The following USP40 variants were observed in gnomAD, a reference collection of about 807,000 sequenced individuals.
USP40 encodes ubiquitin carboxyl-terminal hydrolase 40.
USP40 carries 143 observed loss-of-function variants against 166.2 expected under a neutral mutation model. That is an observed-to-expected ratio of 0.86 (90% CI 0.75 to 0.99). The LOEUF is 0.99. Ranked by LOEUF, USP40 falls within the 50% of genes least tolerant of loss-of-function variation. The probability of loss-of-function intolerance (pLI) is 0.00; values close to 1 mark genes in which losing one functional copy is unlikely to be tolerated. For synonymous variants in USP40, 498 were observed against 524.0 expected (o/e 0.95, Z 0.68); for missense variants, 1,444 against 1,479.7 (o/e 0.98, Z 0.40).
Position 233,488,957 on chromosome 2 carries a change from GAGAA to G in USP40, c.3131+404_3131+407del, listed in dbSNP as rs538826651. Among the ~76,000 whole-genome samples the G allele has an allele frequency of 1.8e-3, 280 of 152,032 alleles. 1 individual carries two copies. Among genetic ancestry groups the G allele is most frequent in the East Asian group, 0.017 (86 of 5,166 alleles). Reference sequence around the variant, plus strand: ...AAGGAAAGAAAGAAAAGAAAGAAACGAGAAAGAAAGAAACAAAAAGCCTCAAGGC... The same window carrying G: ...AAGGAAAGAAAGAAAAGAAAGAAACGAGAAAGAAACAAAAAGCCTCAAGGC... On this transcript the variant is annotated intron_variant, in intron 27 of 31. Transcript: ENST00000678225.
intron 6 of USP40, among the ~76,000 whole-genome samples, chr2:233,551,802 C>A (rs1279735548): frequency 2.0e-5 from 3 of 152,150 alleles, no homozygotes; most frequent in Admixed American, 2.0e-4. Flanking sequence ...CTATTTCCTG[C>A]CCAATTTCTG....
rs1340076781 is a variant in USP40 at position 233,486,870 on chromosome 2, T to C, written c.3198-893A>G. ...GGCCAAGGCCTGGAGCCCAGCACAG[T>C]GCGGCCAGAGGACAGAAAGGGCATC... On this transcript the variant is annotated intron_variant, in intron 28 of 31. Transcript: ENST00000678225. This position sits in a 1 kb window ranked among gnomAD's most constrained non-coding sequence, Gnocchi z 4.0. Among the ~76,000 whole-genome samples, 1 of 152,062 alleles carries C rather than the reference T, an allele frequency of 6.6e-6. No individual in the cohort carries two copies. The highest frequency in any genetic ancestry group is 1.5e-5 in the Non-Finnish European group (1 of 68,012).
At position 233,475,962 on chromosome 2, in the gene USP40, G is replaced by A. The variant is rs1047056634; in HGVS notation, c.*1430C>T. On this transcript the variant is annotated 3_prime_UTR_variant, in exon 32 of 32. Coordinates refer to ENST00000678225, the MANE Select transcript of USP40 (RefSeq NM_001365479.2). ...TCTACACCCAGTGCGAGTCTCCTGAGCGGGGTTAGTGTTTGGGAGTGGGAG... is the reference window on the plus strand; with the variant it reads ...TCTACACCCAGTGCGAGTCTCCTGAACGGGGTTAGTGTTTGGGAGTGGGAG... The A allele has an allele frequency of 3.3e-5, 5 of 152,414 alleles. No individual in the cohort carries two copies. The highest frequency in any genetic ancestry group is 1.2e-4 in the African/African-American group (5 of 41,452). 9.4% of individuals were successfully genotyped at this position (152,414 alleles called of 1,614,324 possible).
At chr2:233,565,699 T>G in intron 1 of USP40, 126 bp from the exon 2 acceptor site, 1 of 865,182 alleles carries the variant, frequency 1.2e-6, no homozygotes, top group Admixed American at 3.0e-5. Context: ...CTATGTACAG[T>G]AGTTGGGTTT....
chr2:233,488,421 T>C, intron 27 of USP40, 117 bp from the exon 28 acceptor site: 2 of 905,186 alleles, frequency 2.2e-6, no homozygotes, highest in Non-Finnish European at 3.4e-6. Flanking sequence ...TGAGTACTTA[T>C]AAGAACACCC....
At chr2:233,519,818 C>A (rs1450278940) in intron 17 of USP40, 147 bp from the exon 18 acceptor site, 16 of 495,020 alleles carry the variant, frequency 3.2e-5, no homozygotes, top group Non-Finnish European at 3.6e-6. Flanking sequence ...TTTTTCCATC[C>A]CTGAAATCCT....
At chr2:233,542,511 A>G in intron 8 of USP40, 148 bp from the exon 9 acceptor site, 1 of 559,062 alleles carries the variant, frequency 1.8e-6, no homozygotes, top group Non-Finnish European at 3.2e-6. Context: ...GGAGTTCAAG[A>G]CCAGCCTGGG....
intron 18 of USP40, among the ~76,000 whole-genome samples, chr2:233,517,092 A>G (rs962497833): frequency 6.6e-6 from 1 of 152,186 alleles, no homozygotes. Context: ...GGTAGGTAAA[A>G]AGGCAATGAA....
rs572999089 is a variant in USP40, at chr2:233,485,840, C to T, written c.3335G>A (p.Arg1112His). 33 of 1,611,196 alleles carry T rather than the reference C, an allele frequency of 2.0e-5. No homozygotes were observed. In the Middle Eastern group the frequency reaches 5.0e-4, roughly 24 times the overall value. Residue 1112 changes from arginine to histidine, a missense_variant, in exon 29 of 32, where the codon CGT becomes CAT. Physicochemically the swap from Arg to His is conservative, Grantham distance 29. Coordinates refer to ENST00000678225, the MANE Select transcript of USP40 (RefSeq NM_001365479.2). ...AATTTCAATCTTCTCCACGGGAAGA[C>T]GATAGAAATCGGCAACTCTCTGCCT... The part of the protein sequence containing the change: ...SLRQRVADFY[R>H]LPVEKIEIAK...
intron 31 of USP40, among the ~76,000 whole-genome samples, chr2:233,479,355 G>A (rs2064386700): frequency 6.6e-6 from 1 of 152,178 alleles, no homozygotes; most frequent in African/African-American, 2.4e-5. Context: ...ACAAGGTCAA[G>A]AGATTGAGAC....
Position 233,510,036 on chromosome 2 carries a change from T to G in USP40, c.2613+13A>C. 6.4e-7 allele frequency: 1 copy of G among 1,563,496 alleles called. No homozygotes were observed. Among genetic ancestry groups the G allele is most frequent in the Non-Finnish European group, 8.7e-7 (1 of 1,150,312 alleles). On this transcript the variant is annotated intron_variant, in intron 21 of 31. Transcript: ENST00000678225. The stretch of plus-strand genomic sequence containing the variant: ...ACACACAGCCTCTGAAAACAAAAGG[T>G]AAAATTACTTACATCTCTCACAGAT...
intron 13 of USP40, 65 bp from the exon 14 acceptor site, chr2:233,525,627 G>C: frequency 8.2e-7 from 1 of 1,225,628 alleles, no homozygotes; most frequent in Non-Finnish European, 1.2e-6. Flanking sequence ...ACCTTTCCAG[G>C]TTACTGTGCC....
At chr2:233,557,791 G>C (rs1483535253) in intron 4 of USP40, among the ~76,000 whole-genome samples, 1 of 152,144 alleles carries the variant, frequency 6.6e-6, no homozygotes, top group Non-Finnish European at 1.5e-5. Flanking sequence ...CAAAAAAGTA[G>C]AAAGGAAGGA....
chr2:233,525,948 T>C (rs2067994053), intron 13 of USP40, among the ~76,000 whole-genome samples: 1 of 152,216 alleles, frequency 6.6e-6, no homozygotes. Context: ...AATGTAGCCC[T>C]GACTCTAGCA....
intron 23 of USP40, among the ~76,000 whole-genome samples, chr2:233,497,251 G>A (rs2065803644): frequency 6.6e-6 from 1 of 152,128 alleles, no homozygotes; most frequent in Non-Finnish European, 1.5e-5. Context: ...ACACTGATTC[G>A]AGTGGAAAGT....
intron 18 of USP40, among the ~76,000 whole-genome samples, chr2:233,517,386 G>GTTT (rs201945738): frequency 3.0e-5 from 4 of 133,992 alleles, no homozygotes; most frequent in African/African-American, 5.5e-5. Flanking sequence ...ATGGTTTTTT[G>GTTT]TTTTTTTTTT....
At chr2:233,492,516 A>G (rs2065414561) in intron 25 of USP40, 1 of 152,260 alleles carries the variant, frequency 6.6e-6, no homozygotes, top group Admixed American at 6.5e-5. Flanking sequence ...ATATGTAACT[A>G]GAATTCTATC....
At position 233,565,365 on chromosome 2, in the gene USP40, C is replaced by G; in HGVS notation, c.190G>C (p.Glu64Gln). 2 of 1,536,218 alleles carry G rather than the reference C, an allele frequency of 1.3e-6. No individual in the cohort carries two copies. Among genetic ancestry groups the G allele is most frequent in the Non-Finnish European group, 1.7e-6 (2 of 1,146,028 alleles). The change falls in exon 2 of 32, where the codon GAA becomes CAA. Residue 64 changes from glutamate (E) to glutamine (Q), a missense_variant. Physicochemically the swap from Glu to Gln is conservative, Grantham distance 29 (BLOSUM62 2). Transcript: ENST00000678225. ...ACGTAACATAGCATACCTCTGAATTCAGGTGTGAAATGAAGAGTCTGAAGA... is the reference window on the plus strand; with the variant it reads ...ACGTAACATAGCATACCTCTGAATTGAGGTGTGAAATGAAGAGTCTGAAGA... ...SLLQTLHFTP[E>Q]FREALFSLGP...
intron 19 of USP40, 98 bp from the exon 20 acceptor site, chr2:233,511,895 T>C (rs2066867716): frequency 2.0e-6 from 2 of 1,011,754 alleles, no homozygotes; most frequent in South Asian, 1.7e-5. Flanking sequence ...ATCAAGAATA[T>C]CAAGAAAGAA....
Sources: gnomAD v4.1 joint callset for allele counts (sites outside exome capture counted in the v4.1 genomes callset) on GRCh38, gnomAD v4.1.1 for gene constraint, Gnocchi (gnomAD v3.1) non-coding constraint, MANE v1.5 for transcripts, NCBI Gene and HGNC (gene_info 2026-07-23, HGNC 2026-07-21) for gene names.